Variants in IGF1R observed in about 807,000 individuals in gnomAD.
The protein encoded by IGF1R is insulin-like growth factor 1 receptor.
Under a neutral mutation model 144.6 loss-of-function variants are expected in IGF1R, and 44 were observed. The observed-to-expected ratio is 0.30, with a 90% CI of 0.24 to 0.39. IGF1R has a LOEUF of 0.39. Among genes scored for constraint, IGF1R ranks in the 10% least tolerant of loss-of-function variants. The probability of loss-of-function intolerance (pLI) is 1.00; values close to 1 mark genes in which losing one functional copy is unlikely to be tolerated. For missense variants in IGF1R, 1,355 were observed against 1,833.7 expected (o/e 0.74, Z 4.77); for synonymous variants, 795 against 722.8 (o/e 1.10, Z -1.60).
chr15:98,880,626 T>C (rs1419302177), intron 2 of IGF1R: 1 of 152,244 alleles, frequency 6.6e-6, no homozygotes, highest in Non-Finnish European at 1.5e-5. Context: ...ACTAAGTTTT[T>C]TCTTCTTCTC....
chr15:98,834,682 T>C (rs1174742695), intron 2 of IGF1R, among the ~76,000 whole-genome samples: 2 of 152,178 alleles, frequency 1.3e-5, no homozygotes, highest in African/African-American at 4.8e-5. Flanking sequence ...TCTGCATCAC[T>C]AGACGAGCCA....
At chr15:98,915,188 A>C (rs1304256147) in intron 8 of IGF1R, among the ~76,000 whole-genome samples, 5 of 152,232 alleles carry the variant, frequency 3.3e-5, no homozygotes, top group Non-Finnish European at 5.9e-5. Context: ...TTTGATCTTT[A>C]TGCACACTTC....
intron 2 of IGF1R, among the ~76,000 whole-genome samples, chr15:98,786,653 G>T (rs903937175): frequency 3.3e-5 from 5 of 151,932 alleles, no homozygotes; most frequent in South Asian, 2.1e-4. Flanking sequence ...GTCTTTTTTT[G>T]TTGTTGTTGT....
chr15:98,818,377 A>G (rs765576076), intron 2 of IGF1R, among the ~76,000 whole-genome samples: 3 of 152,142 alleles, frequency 2.0e-5, no homozygotes, highest in South Asian at 2.1e-4. Context: ...GAAGCACAAG[A>G]GTGGCACACT....
Position 98,912,912 on chromosome 15 carries a change from A to G in IGF1R, c.1590-132A>G, listed in dbSNP as rs9282720. ...CAGTCACTTCATTTCTTCTTCTATAAAAGTCTAATTGATTATTTGTTTATT... is the reference window on the plus strand; with the variant it reads ...CAGTCACTTCATTTCTTCTTCTATAGAAGTCTAATTGATTATTTGTTTATT... On this transcript the variant is annotated intron_variant, in intron 7 of 20. Transcript: ENST00000650285. 105 of 686,652 alleles carry G rather than the reference A, an allele frequency of 1.5e-4. No homozygotes were observed. In the African/African-American group the frequency reaches 1.8e-3, roughly 12 times the overall value. The allele number at this position is 686,652 out of a possible 1,614,324, so 42.5% of individuals were successfully genotyped here. A position where few individuals can be genotyped will look rare whatever the true frequency, so the allele number is the denominator to read the frequency against.
rs1596503024 is a variant in IGF1R, at chr15:98,963,262, T to TTA, written c.*5820_*5821insTA. 12 of 230,794 alleles carry TTA rather than the reference T, an allele frequency of 5.2e-5. No homozygotes were observed. The East Asian group carries it at 7.4e-4, about 14-fold the overall frequency. The allele number at this position is 230,794 out of a possible 1,614,324, so 14.3% of individuals were successfully genotyped here. A position where few individuals can be genotyped will look rare whatever the true frequency, so the allele number is the denominator to read the frequency against. On this transcript the variant is annotated 3_prime_UTR_variant, in exon 21 of 21. Coordinates refer to ENST00000650285, the MANE Select transcript of IGF1R (RefSeq NM_000875.5). ...ACCTGTTTACTAGCTAGCTTTACAA[T>TTA]ATGCCAAAAAAGGATTTCTCCCTGA...
rs932514363 is a variant in IGF1R at position 98,827,873 on chromosome 15, G to A, written c.641-63452G>A. On this transcript the variant is annotated intron_variant, in intron 2 of 20. Coordinates refer to ENST00000650285, the MANE Select transcript of IGF1R (RefSeq NM_000875.5). ...TGGGATTACAGGCATGAGCCACCGC[G>A]CCCGGCCTAAGATTTCTTATTGTGG... is the stretch of plus-strand genomic sequence containing the variant. 2.8e-4 allele frequency among the ~76,000 whole-genome samples: 43 copies of A among 152,264 alleles called. 1 individual carries two copies. The highest frequency in any genetic ancestry group is 1.0e-3 in the African/African-American group (43 of 41,544).
At chr15:98,767,368 G>T (rs2055460002) in intron 2 of IGF1R, among the ~76,000 whole-genome samples, 1 of 152,176 alleles carries the variant, frequency 6.6e-6, no homozygotes, top group African/African-American at 2.4e-5. Flanking sequence ...CCTTCTGTCA[G>T]GTTGCTCCTG....
At chr15:98,939,135 G>T (rs991297448) in intron 17 of IGF1R, 66 bp from the exon 18 acceptor site, 2 of 1,398,846 alleles carry the variant, frequency 1.4e-6, no homozygotes, top group South Asian at 1.2e-5. Context: ...TGCAAACCTC[G>T]AAAGAAATTG....
rs2151644334 is a variant in IGF1R at position 98,891,388 on chromosome 15, G to A, written c.704G>A (p.Cys235Tyr). ...AACAATGAGTGCTGCCACCCCGAGT[G>A]CCTGGGCAGCTGCAGCGCGCCTGAC... ...TENNECCHPE[C>Y]LGSCSAPDND... is the part of the protein sequence containing the mutation. The change falls in exon 3 of 21, where the codon TGC becomes TAC. Residue 235 changes from cysteine (C) to tyrosine (Y), a missense_variant. By Grantham distance (194) the Cys-to-Tyr change is radical. Transcript: ENST00000650285. This position sits in a 1 kb window ranked among gnomAD's most constrained non-coding sequence, Gnocchi z 4.7. 1 of 1,612,290 alleles carries A rather than the reference G, an allele frequency of 6.2e-7. No homozygotes were observed. The highest frequency in any genetic ancestry group is 8.5e-7 in the Non-Finnish European group (1 of 1,179,978).
intron 20 of IGF1R, among the ~76,000 whole-genome samples, chr15:98,954,786 C>G (rs967765045): frequency 3.9e-5 from 6 of 152,120 alleles, no homozygotes; most frequent in Non-Finnish European, 8.8e-5. Context: ...ATTTTTTTAA[C>G]CCCAATCATT....
chr15:98,680,509 A>T (rs1199809607), intron 1 of IGF1R, among the ~76,000 whole-genome samples: 8 of 151,494 alleles, frequency 5.3e-5, no homozygotes, highest in Non-Finnish European at 1.0e-4. Context: ...CTCGTGATCC[A>T]CCCACCTCGG....
chr15:98,813,405 C>T (rs2056634009), intron 2 of IGF1R, among the ~76,000 whole-genome samples: 1 of 152,218 alleles, frequency 6.6e-6, no homozygotes, highest in Admixed American at 6.5e-5. Flanking sequence ...AGCCCCTACA[C>T]CCCAGAGCCT....
chr15:98,864,592 C>T (rs1281046914), intron 2 of IGF1R, among the ~76,000 whole-genome samples: 1 of 152,176 alleles, frequency 6.6e-6, no homozygotes, highest in East Asian at 1.9e-4. Flanking sequence ...GTCTGTGTTG[C>T]CCAGGTCCCT....
intron 20 of IGF1R, among the ~76,000 whole-genome samples, chr15:98,949,219 CAT>C: frequency 6.6e-6 from 1 of 152,276 alleles, no homozygotes. Context: ...CCCTGCCCCA[CAT>C]GTCTTCTCTG....
intron 10 of IGF1R, among the ~76,000 whole-genome samples, chr15:98,918,221 G>A (rs1386074284): frequency 2.0e-5 from 3 of 152,070 alleles, no homozygotes; most frequent in Non-Finnish European, 2.9e-5. Context: ...AAATCAGCAT[G>A]GCACCCATGA....
chr15:98,763,423 G>A (rs1428912353), intron 2 of IGF1R, among the ~76,000 whole-genome samples: 1 of 151,832 alleles, frequency 6.6e-6, no homozygotes, highest in Non-Finnish European at 1.5e-5. Context: ...TTTAGCAACA[G>A]TCACCGTGGT....
chr15:98,947,937 C>A (rs1449374001), intron 19 of IGF1R, among the ~76,000 whole-genome samples: 1 of 152,178 alleles, frequency 6.6e-6, no homozygotes, highest in East Asian at 1.9e-4. Context: ...TATAGATCTT[C>A]TAAACATTCC....
chr15:98,772,148 C>G lies in IGF1R; in HGVS notation c.640+64041C>G, dbSNP rs1018940769. Among the ~76,000 whole-genome samples the G allele has an allele frequency of 9.2e-5, 14 of 152,074 alleles. 1 individual carries two copies. The highest frequency in any genetic ancestry group is 9.2e-4 in the Admixed American group (14 of 15,272). On this transcript the variant is annotated intron_variant, in intron 2 of 20. Coordinates refer to ENST00000650285, the MANE Select transcript of IGF1R (RefSeq NM_000875.5). ...AAGCATGAAGTTTTTCTTTATTGACCATGTAGCAACTGTGGAATCATTTGA... is the reference window on the plus strand; with the variant it reads ...AAGCATGAAGTTTTTCTTTATTGACGATGTAGCAACTGTGGAATCATTTGA...
Sources: gnomAD v4.1 joint callset for allele counts (sites outside exome capture counted in the v4.1 genomes callset) on GRCh38, gnomAD v4.1.1 for gene constraint, Gnocchi (gnomAD v3.1) non-coding constraint, MANE v1.5 for transcripts, NCBI Gene and HGNC (gene_info 2026-07-23, HGNC 2026-07-21) for gene names.